Variants in TSPAN9 observed in about 807,000 individuals in gnomAD.
The protein encoded by TSPAN9 is tetraspanin-9.
Under a neutral mutation model 31.0 loss-of-function variants are expected in TSPAN9, and 16 were observed. The observed-to-expected ratio is 0.52, with a 90% CI of 0.35 to 0.78. The LOEUF (loss-of-function observed/expected upper bound fraction) is 0.78, where lower values mean the gene tolerates loss of function less well. Among genes scored for constraint, TSPAN9 ranks in the 30% least tolerant of loss-of-function variants. The pLI is 0.01. For synonymous variants in TSPAN9, 145 were observed against 121.6 expected (o/e 1.19, Z -1.27); for missense variants, 272 against 312.5 (o/e 0.87, Z 0.98).
In TSPAN9 at chr12:3,185,440, G is replaced by A. The variant is rs911392126; in HGVS notation, c.-17-15737G>A. ...TCACTTTCAGAAATGGAATGTAGGC[G>A]TGCCCAATGCAGCTCCTGACTCACT... On this transcript the variant is annotated intron_variant, in intron 2 of 8. Coordinates refer to ENST00000011898, the MANE Select transcript of TSPAN9 (RefSeq NM_006675.5). Among the ~76,000 whole-genome samples, 12 of 152,184 alleles carry A rather than the reference G, an allele frequency of 7.9e-5. No individual in the cohort carries two copies. In the East Asian group the frequency reaches 1.2e-3, roughly 15 times the overall value.
rs1862983088 is a variant in TSPAN9 at position 3,284,835 on chromosome 12, T to G, written c.*1719T>G. On this transcript the variant is annotated 3_prime_UTR_variant, in exon 9 of 9. Transcript: ENST00000011898. ...ACCCTGGTTTCCCACTGGGGCCAGG[T>G]CTCTTCTCCAGCCTCCACCTGCCTG... 1 of 152,240 alleles carries G rather than the reference T, an allele frequency of 6.6e-6. No homozygotes were observed. The highest frequency in any genetic ancestry group is 1.5e-5 in the Non-Finnish European group (1 of 68,130). 9.4% of individuals were successfully genotyped at this position (152,240 alleles called of 1,614,324 possible). A position where few individuals can be genotyped will look rare whatever the true frequency, so the allele number is the denominator to read the frequency against.
chr12:3,282,944 C>T (rs533959721), intron 8 of TSPAN9, 101 bp from the exon 9 acceptor site: 29 of 1,199,102 alleles, frequency 2.4e-5, no homozygotes, highest in African/African-American at 1.2e-4. Context: ...TGGCCATCCC[C>T]GCTTGCTCTA....
chr12:3,138,814 T>G (rs1209586475), intron 2 of TSPAN9, among the ~76,000 whole-genome samples: 1 of 152,148 alleles, frequency 6.6e-6, no homozygotes, highest in Non-Finnish European at 1.5e-5. Flanking sequence ...ATCTACCTCC[T>G]TCCCTTTGCT....
chr12:3,244,834 C>T (rs1307814581), intron 3 of TSPAN9, among the ~76,000 whole-genome samples: 4 of 152,078 alleles, frequency 2.6e-5, no homozygotes, highest in Non-Finnish European at 4.4e-5. Context: ...TCGGGAGCCT[C>T]GAGGGTTTTC....
chr12:3,258,610 C>CCCT (rs59742394), intron 3 of TSPAN9, among the ~76,000 whole-genome samples: 32,886 of 151,516 alleles, frequency 0.22, 5,399 homozygotes, highest in East Asian at 0.45. Context: ...TTCTTATCTT[C>CCCT]CCTCCTCCTC....
intron 3 of TSPAN9, among the ~76,000 whole-genome samples, chr12:3,258,608 T>C (rs1862393483): frequency 7.2e-6 from 1 of 138,512 alleles, no homozygotes; most frequent in African/African-American, 3.1e-5. Flanking sequence ...ATTTCTTATC[T>C]TCCCTCCTCC....
intron 2 of TSPAN9, among the ~76,000 whole-genome samples, chr12:3,130,066 G>C (rs187991234): frequency 1.3e-5 from 2 of 152,226 alleles, no homozygotes; most frequent in East Asian, 3.9e-4. Flanking sequence ...GTCTCTGGGC[G>C]GCTGTACCGC....
At chr12:3,083,236 A>C (rs1476264643) in intron 1 of TSPAN9, among the ~76,000 whole-genome samples, 2 of 152,222 alleles carry the variant, frequency 1.3e-5, no homozygotes, top group East Asian at 3.8e-4. Context: ...CGATGCAAAC[A>C]CATCTCAGTG....
chr12:3,153,398 C>G (rs1258220129), intron 2 of TSPAN9, among the ~76,000 whole-genome samples: 1 of 152,128 alleles, frequency 6.6e-6, no homozygotes, highest in Non-Finnish European at 1.5e-5. Context: ...TATTTGCTTG[C>G]AAACATAATT....
intron 2 of TSPAN9, among the ~76,000 whole-genome samples, chr12:3,104,407 C>T (rs562171199): frequency 2.6e-5 from 4 of 151,854 alleles, no homozygotes; most frequent in South Asian, 2.1e-4. Context: ...GGCTGGAGTC[C>T]GGTGGCATGA....
intron 3 of TSPAN9, among the ~76,000 whole-genome samples, chr12:3,265,405 C>T (rs1862520599): frequency 6.6e-6 from 1 of 152,190 alleles, no homozygotes; most frequent in Admixed American, 6.5e-5. Flanking sequence ...CATGAAAGCG[C>T]CCTCTGGAAA....
rs917059718 is a variant in TSPAN9 at position 3,283,544 on chromosome 12, C to T, written c.*428C>T. 12 of 161,556 alleles carry T rather than the reference C, an allele frequency of 7.4e-5. No individual in the cohort carries two copies. The highest frequency in any genetic ancestry group is 2.2e-4 in the African/African-American group (9 of 41,812). 10.0% of individuals were successfully genotyped at this position (161,556 alleles called of 1,614,324 possible). ...TCCATGGCCACCATGGGGCACCTGG[C>T]GGGGCGGGGGTCTGCCGGCCTCTGG... On this transcript the variant is annotated 3_prime_UTR_variant, in exon 9 of 9. Transcript: ENST00000011898.
chr12:3,264,404 G>A (rs768721929), intron 3 of TSPAN9, among the ~76,000 whole-genome samples: 5 of 152,348 alleles, frequency 3.3e-5, no homozygotes, highest in African/African-American at 9.6e-5. Context: ...CTTGTTTTAC[G>A]GTCCAGAGCA....
intron 3 of TSPAN9, among the ~76,000 whole-genome samples, chr12:3,276,695 A>G (rs1259726538): frequency 6.6e-6 from 1 of 152,022 alleles, no homozygotes; most frequent in Non-Finnish European, 1.5e-5. Flanking sequence ...CAGTTACGTC[A>G]TTTGTTGCTT....
In TSPAN9 at chr12:3,285,597, C is replaced by G. The variant is rs769134096; in HGVS notation, c.*2481C>G. Reference sequence around the variant, plus strand: ...GAGTGGGTGTTCCTTCGAGCCCCTTCCACTCAGAGGGCCACACCCAGCGAT... The same window carrying G: ...GAGTGGGTGTTCCTTCGAGCCCCTTGCACTCAGAGGGCCACACCCAGCGAT... On this transcript the variant is annotated 3_prime_UTR_variant, in exon 9 of 9. Transcript: ENST00000011898. The G allele has an allele frequency of 1.3e-5, 2 of 152,224 alleles. No homozygotes were observed. The highest frequency in any genetic ancestry group is 2.9e-5 in the Non-Finnish European group (2 of 68,044). 9.4% of individuals were successfully genotyped at this position (152,224 alleles called of 1,614,324 possible). A position where few individuals can be genotyped will look rare whatever the true frequency, so the allele number is the denominator to read the frequency against.
chr12:3,248,309 T>C (rs1183499976), intron 3 of TSPAN9, among the ~76,000 whole-genome samples: 1 of 152,212 alleles, frequency 6.6e-6, no homozygotes, highest in Admixed American at 6.5e-5. Flanking sequence ...CCTTGTGGGA[T>C]AGACATGGGA....
chr12:3,244,897 A>G (rs1258194418), intron 3 of TSPAN9, among the ~76,000 whole-genome samples: 1 of 152,244 alleles, frequency 6.6e-6, no homozygotes, highest in East Asian at 1.9e-4. Context: ...ACACAGCCTC[A>G]TCTCTCAGCA....
At chr12:3,152,154 C>A (rs76352322) in intron 2 of TSPAN9, among the ~76,000 whole-genome samples, 1 of 152,110 alleles carries the variant, frequency 6.6e-6, no homozygotes, top group South Asian at 2.1e-4. Context: ...GGAGGTAAGG[C>A]AAGGAGGGCT....
chr12:3,192,491 G>A lies in TSPAN9; in HGVS notation c.-17-8686G>A, dbSNP rs1411510222. 6.6e-6 allele frequency among the ~76,000 whole-genome samples: 1 copy of A among 152,186 alleles called. No homozygotes were observed. The highest frequency in any genetic ancestry group is 1.5e-5 in the Non-Finnish European group (1 of 68,044). On this transcript the variant is annotated intron_variant, in intron 2 of 8. Transcript: ENST00000011898. This position sits in a 1 kb window ranked among gnomAD's most constrained non-coding sequence, Gnocchi z 4.6. ...GGAGCAAGTGACAACCGGGAGCCAA[G>A]GATGAGTCTGAGGCTTCTGGCATAA...
Sources: allele counts gnomAD v4.1 joint callset (sites outside exome capture counted in the v4.1 genomes callset), GRCh38; gene constraint gnomAD v4.1.1; non-coding constraint Gnocchi (gnomAD v3.1); transcripts MANE v1.5; gene names NCBI Gene and HGNC (gene_info 2026-07-23, HGNC 2026-07-21).